The following TFAP2B variants were observed in gnomAD, a reference collection of about 807,000 sequenced individuals.
TFAP2B encodes transcription factor AP-2-beta.
TFAP2B carries 9 observed loss-of-function variants against 44.3 expected under a neutral mutation model. The observed-to-expected ratio is 0.20, with a 90% CI of 0.12 to 0.35. The LOEUF (loss-of-function observed/expected upper bound fraction) is 0.35. TFAP2B is among the 10% of genes least tolerant of loss of function. TFAP2B has a pLI of 1.00. For missense variants in TFAP2B, 509 were observed against 600.0 expected (o/e 0.85, Z 1.59); for synonymous variants, 270 against 263.8 (o/e 1.02, Z -0.23).
intron 2 of TFAP2B, 101 bp downstream of exon 2, chr6:50,823,966 G>A (rs1446543138): frequency 2.5e-5 from 33 of 1,310,158 alleles, no homozygotes; most frequent in Non-Finnish European, 3.0e-5. Flanking sequence ...CTCTTTTTGG[G>A]GAGTTTGTTC....
intron 4 of TFAP2B, 82 bp from the exon 5 acceptor site, chr6:50,837,888 GCTCCA>G: frequency 9.4e-7 from 1 of 1,063,974 alleles, no homozygotes; most frequent in Non-Finnish European, 1.5e-6. Context: ...ACCTCTTCAA[GCTCCA>G]CTGGGCTTTA....
At chr6:50,830,472 T>C (rs1770643262) in intron 3 of TFAP2B, among the ~76,000 whole-genome samples, 1 of 152,212 alleles carries the variant, frequency 6.6e-6, no homozygotes, top group Non-Finnish European at 1.5e-5. Flanking sequence ...CTAAAGTTGA[T>C]GGTTCTGTTT....
In TFAP2B at chr6:50,823,451, G is replaced by C. The variant is rs776835953; in HGVS notation, c.126G>C (p.Gln42His). 4.4e-5 allele frequency: 70 copies of C among 1,609,154 alleles called. No homozygotes were observed. The highest frequency in any genetic ancestry group is 5.6e-5 in the Non-Finnish European group (66 of 1,178,080). ...CGAGCCACAGCTCGCGGCTCTCCCA[G>C]CTGGGCTCGGTGTCCCAAGGACCCT... The part of the protein sequence containing the change: ...GVPSHSSRLS[Q>H]LGSVSQGPYS... Residue 42 changes from glutamine to histidine, a missense_variant, in exon 2 of 7, where the codon CAG (glutamine) becomes CAC (histidine). By Grantham distance (24) the Gln-to-His change is conservative (BLOSUM62 0). Transcript: ENST00000393655.
chr6:50,822,509 T>C (rs1164951733), intron 1 of TFAP2B, among the ~76,000 whole-genome samples: 4 of 152,118 alleles, frequency 2.6e-5, no homozygotes, highest in Non-Finnish European at 4.4e-5. Context: ...AGAAACAAAG[T>C]CCACCTCCCT....
At chr6:50,830,761 G>A (rs1212222914) in intron 3 of TFAP2B, among the ~76,000 whole-genome samples, 1 of 152,158 alleles carries the variant, frequency 6.6e-6, no homozygotes, top group African/African-American at 2.4e-5. Flanking sequence ...GCCACTTAAA[G>A]TTGTGGTGAG....
intron 5 of TFAP2B, 114 bp from the exon 6 acceptor site, chr6:50,840,042 C>A: frequency 7.1e-7 from 1 of 1,408,786 alleles, no homozygotes; most frequent in Non-Finnish European, 1.0e-6. Flanking sequence ...TTGCTTTTGG[C>A]TCCAACAGCT....
In TFAP2B at chr6:50,840,266, C is replaced by A; in HGVS notation, c.1051C>A (p.His351Asn). ...GCAGCACACAGACCCGAGTGACCTGCACTCCCGAAAGAATATGCTGTTGGC... is the reference window on the plus strand; with the variant it reads ...GCAGCACACAGACCCGAGTGACCTGAACTCCCGAAAGAATATGCTGTTGGC... ...NRQHTDPSDLHSRKNMLLATK... is the reference protein window; with the variant it reads ...NRQHTDPSDLNSRKNMLLATK... Residue 351 changes from histidine (H) to asparagine (N), a missense_variant, in exon 6 of 7, where the codon CAC (histidine) becomes AAC (asparagine). Around this residue, in one of 3 missense-constraint regions of TFAP2B, gnomAD observed 168 missense variants for 183.2 expected, o/e 0.92. Transcript: ENST00000393655. The A allele has an allele frequency of 6.2e-7, 1 of 1,614,090 alleles. No homozygotes were observed. Among genetic ancestry groups the A allele is most frequent in the East Asian group, 2.2e-5 (1 of 44,880 alleles).
rs1762698643 is a variant in TFAP2B at position 50,840,217 on chromosome 6, A to G, written c.1002A>G (p.Lys334=). ...TTTGCGAAACGGAGTTTCCCGCCAA[A>G]GCCGTCTCTGAGTATTTGAACCGGC... ...GYICETEFPA[K]AVSEYLNRQH... The change falls in exon 6 of 7, where the codon AAA becomes AAG. Residue 334 remains lysine (K), a synonymous_variant. Coordinates refer to ENST00000393655, the MANE Select transcript of TFAP2B (RefSeq NM_003221.4). 1 of 1,614,138 alleles carries G rather than the reference A, an allele frequency of 6.2e-7. No individual in the cohort carries two copies.
At chr6:50,819,685 G>A (rs535454533) in intron 1 of TFAP2B, among the ~76,000 whole-genome samples, 1 of 152,350 alleles carries the variant, frequency 6.6e-6, no homozygotes, top group South Asian at 2.1e-4. Context: ...ACTCTTCGGG[G>A]CAGGAGAAGT....
chr6:50,821,991 A>ATTTTT (rs60274376), intron 1 of TFAP2B: 9 of 218,126 alleles, frequency 4.1e-5, no homozygotes, highest in East Asian at 1.2e-4. Flanking sequence ...GGCGGGTGTA[A>ATTTTT]TTTTTTTTTT....
chr6:50,837,649 T>C (rs1342867205), intron 4 of TFAP2B, among the ~76,000 whole-genome samples: 1 of 152,116 alleles, frequency 6.6e-6, no homozygotes, highest in Non-Finnish European at 1.5e-5. Context: ...ACTAACTCCA[T>C]GACAAGGAAG....
chr6:50,840,410 T>C, intron 6 of TFAP2B, 113 bp downstream of exon 6: 1 of 1,388,966 alleles, frequency 7.2e-7, no homozygotes, highest in Non-Finnish European at 1.0e-6. Flanking sequence ...TGTCTAGAAG[T>C]AGCATTTGCA....
Position 50,823,731 on chromosome 6 carries a change from G to C in TFAP2B, c.406G>C (p.Asp136His), listed in dbSNP as rs139904414. ...CGCCTTGCCCCAGCTCTCGGGCCTT[G>C]ACCCCCGGAGGGACTACCACTCGGT... ...RAALPQLSGL[D>H]PRRDYHSVRR... The change falls in exon 2 of 7, where the codon GAC becomes CAC. Residue 136 changes from aspartate (D) to histidine (H), a missense_variant. By Grantham distance (81) the Asp-to-His change is moderately conservative. Transcript: ENST00000393655. 1.7e-4 allele frequency: 269 copies of C among 1,611,586 alleles called. No homozygotes were observed. Among genetic ancestry groups the C allele is most frequent in the Non-Finnish European group, 2.2e-4 (257 of 1,179,026 alleles).
intron 3 of TFAP2B, among the ~76,000 whole-genome samples, chr6:50,833,342 A>C (rs989476960): frequency 6.6e-6 from 1 of 152,192 alleles, no homozygotes; most frequent in African/African-American, 2.4e-5. Flanking sequence ...GGAGTTATGG[A>C]TCTAAAGGAA....
chr6:50,821,096 G>A (rs1179786588), intron 1 of TFAP2B, among the ~76,000 whole-genome samples: 1 of 152,234 alleles, frequency 6.6e-6, no homozygotes, highest in Non-Finnish European at 1.5e-5. Context: ...TGGCAGTCAG[G>A]CCAGTTGAAC....
chr6:50,834,911 C>A (rs1180477106), intron 3 of TFAP2B, among the ~76,000 whole-genome samples: 3 of 152,168 alleles, frequency 2.0e-5, no homozygotes, highest in Non-Finnish European at 2.9e-5. Flanking sequence ...GTATAGCCAC[C>A]TGTTTAGGGG....
chr6:50,832,448 A>C (rs1416360146), intron 3 of TFAP2B, among the ~76,000 whole-genome samples: 1 of 152,130 alleles, frequency 6.6e-6, no homozygotes, highest in East Asian at 1.9e-4. Context: ...TTTTTTCCCC[A>C]CAATTTCAGT....
chr6:50,819,070 G>A (rs1561955862), intron 1 of TFAP2B, 98 bp downstream of exon 1: 7 of 1,217,670 alleles, frequency 5.7e-6, no homozygotes, highest in Non-Finnish European at 7.1e-6. Context: ...CTATTTACTC[G>A]TAGATTTCCG....
chr6:50,835,861 G>C (rs1661587487), intron 3 of TFAP2B, among the ~76,000 whole-genome samples, 200 bp from the exon 4 acceptor site: 1 of 152,220 alleles, frequency 6.6e-6, no homozygotes, highest in South Asian at 2.1e-4. Flanking sequence ...CACGAAGTAA[G>C]TTTCCAGAGG....
Sources: gnomAD v4.1 joint callset for allele counts (sites outside exome capture counted in the v4.1 genomes callset) on GRCh38, gnomAD v4.1.1 for gene constraint, gnomAD v4.1.1 regional missense constraint, MANE v1.5 for transcripts, NCBI Gene and HGNC (gene_info 2026-07-23, HGNC 2026-07-21) for gene names.